Variants in PTPRD observed in about 807,000 individuals in gnomAD.
The protein encoded by PTPRD is protein tyrosine phosphatase receptor type D, also known as receptor-type tyrosine-protein phosphatase delta.
Under a neutral mutation model 214.5 loss-of-function variants are expected in PTPRD, and 34 were observed. The ratio of observed to expected loss-of-function variants is 0.16; its 90% CI spans 0.12 to 0.21. The LOEUF (loss-of-function observed/expected upper bound fraction) is 0.21, where lower values mean the gene tolerates loss of function less well. Among genes scored for constraint, PTPRD ranks in the 10% least tolerant of loss-of-function variants. The probability of loss-of-function intolerance (pLI) is 1.00; values close to 1 mark genes in which losing one functional copy is unlikely to be tolerated. For synonymous variants in PTPRD, 1,128 were observed against 845.7 expected (o/e 1.33, Z -5.79); for missense variants, 2,545 against 2,398.7 (o/e 1.06, Z -1.27).
At chr9:10,420,034 T>A (rs752296047) in intron 2 of PTPRD, among the ~76,000 whole-genome samples, 1 of 151,790 alleles carries the variant, frequency 6.6e-6, no homozygotes, top group Admixed American at 6.6e-5. Context: ...GATGTCTTTA[T>A]ACTGTTTAAT....
intron 36 of PTPRD, among the ~76,000 whole-genome samples, chr9:8,398,400 G>C (rs988491622): frequency 6.6e-6 from 1 of 152,052 alleles, no homozygotes; most frequent in Admixed American, 6.5e-5. Context: ...CAGCATATAG[G>C]CCCTCCTAAG....
rs12554613 is a variant in PTPRD, at chr9:9,791,522, A to G, written c.-367-24671T>C. Among the ~76,000 whole-genome samples the G allele has an allele frequency of 9.4e-3, 1,425 of 152,240 alleles. 66 individuals are homozygous for G. The highest frequency in any genetic ancestry group is 0.071 in the Admixed American group (1,083 of 15,282). ...GAGTCTCTTTCTTATAATGGGTTCT[A>G]TCACCCCTGATGATAAGTTTCTCTA... is the stretch of plus-strand genomic sequence containing the variant. On this transcript the variant is annotated intron_variant, in intron 5 of 45. Coordinates refer to ENST00000381196, the MANE Select transcript of PTPRD (RefSeq NM_002839.4).
intron 39 of PTPRD, among the ~76,000 whole-genome samples, chr9:8,359,151 G>T (rs1463683296): frequency 2.7e-4 from 33 of 124,056 alleles, no homozygotes; most frequent in East Asian, 1.3e-3. Context: ...AAAAAAAATT[G>T]AATCAGATTT....
At chr9:10,048,117 GAC>G (rs2097442211) in intron 3 of PTPRD, among the ~76,000 whole-genome samples, 1 of 152,144 alleles carries the variant, frequency 6.6e-6, no homozygotes, top group African/African-American at 2.4e-5. Flanking sequence ...TCCTACGTGA[GAC>G]AGATATTTGC....
chr9:9,229,465 C>T (rs34152451), intron 9 of PTPRD, among the ~76,000 whole-genome samples: 318 of 152,184 alleles, frequency 2.1e-3, no homozygotes, highest in Non-Finnish European at 3.5e-3. Context: ...TCCTTCATTG[C>T]GCCCTTACCC....
chr9:8,623,836 A>T (rs930575000), intron 14 of PTPRD, among the ~76,000 whole-genome samples: 2 of 151,888 alleles, frequency 1.3e-5, no homozygotes, highest in Non-Finnish European at 2.9e-5. Flanking sequence ...ACCTACACCC[A>T]TAACTACACC....
Position 9,938,622 on chromosome 9 carries a change from C to T in PTPRD, c.-471-12G>A, listed in dbSNP as rs10759110. Reference sequence around the variant, plus strand: ...CTTTTATTTTCCACCTGGAACAAAACATAGTGTCAGTCATTTCTTCATGTT... The same window carrying T: ...CTTTTATTTTCCACCTGGAACAAAATATAGTGTCAGTCATTTCTTCATGTT... On this transcript the variant is annotated splice_polypyrimidine_tract_variant and intron_variant, in intron 4 of 45. Transcript: ENST00000381196. 0.57 allele frequency: 85,860 copies of T among 151,954 alleles called. 27,217 individuals carry two copies. The highest frequency in any genetic ancestry group is 0.91 in the East Asian group (4,694 of 5,146). The allele number at this position is 151,954 out of a possible 1,614,324, so 9.4% of individuals were successfully genotyped here.
intron 5 of PTPRD, among the ~76,000 whole-genome samples, chr9:9,918,354 A>AC (rs2081539188): frequency 1.1e-5 from 1 of 87,648 alleles, no homozygotes; most frequent in Non-Finnish European, 2.3e-5. Context: ...AAAGAGGTAA[A>AC]AAAAAAAAAA....
chr9:9,679,483 C>A (rs919641235), intron 7 of PTPRD, among the ~76,000 whole-genome samples: 4 of 151,800 alleles, frequency 2.6e-5, no homozygotes, highest in Non-Finnish European at 4.4e-5. Context: ...AATGACGGAT[C>A]CCCCTGTGAA....
At chr9:8,475,245 T>C (rs2096739620) in intron 30 of PTPRD, among the ~76,000 whole-genome samples, 1 of 152,304 alleles carries the variant, frequency 6.6e-6, no homozygotes, top group East Asian at 1.9e-4. Context: ...GAGTTTCTGG[T>C]ACTCTTCTGT....
chr9:8,735,910 CAAAAAAA>C (rs34573821), intron 11 of PTPRD, among the ~76,000 whole-genome samples: 9 of 130,988 alleles, frequency 6.9e-5, no homozygotes, highest in Non-Finnish European at 1.1e-4. Context: ...GACTTCGTCT[CAAAAAAA>C]AAAAAAAAAA....
At chr9:9,290,316 T>C (rs1469923818) in intron 9 of PTPRD, among the ~76,000 whole-genome samples, 2 of 151,752 alleles carry the variant, frequency 1.3e-5, no homozygotes, top group African/African-American at 4.8e-5. Context: ...ATTTGCTTCT[T>C]TGCTATTTAG....
chr9:8,442,068 G>A (rs2095564946), intron 34 of PTPRD, among the ~76,000 whole-genome samples: 1 of 152,148 alleles, frequency 6.6e-6, no homozygotes, highest in African/African-American at 2.4e-5. Flanking sequence ...TTTCAGTGGT[G>A]GGGAAGAGGA....
intron 9 of PTPRD, among the ~76,000 whole-genome samples, chr9:9,303,690 T>G (rs1446163096): frequency 6.6e-6 from 1 of 152,002 alleles, no homozygotes; most frequent in Non-Finnish European, 1.5e-5. Flanking sequence ...AAGTGGAAAT[T>G]TGGAAGTGCA....
At chr9:9,105,273 T>C (rs945569349) in intron 10 of PTPRD, among the ~76,000 whole-genome samples, 1 of 152,172 alleles carries the variant, frequency 6.6e-6, no homozygotes, top group Admixed American at 6.6e-5. Flanking sequence ...CAACTCAGCA[T>C]TGTTTTCACT....
rs1319436685 is a variant in PTPRD, at chr9:8,316,435, G to A, written c.*1439C>T. On this transcript the variant is annotated 3_prime_UTR_variant, in exon 46 of 46. Coordinates refer to ENST00000381196, the MANE Select transcript of PTPRD (RefSeq NM_002839.4). ...CACAAAATGTTTCTGACTGAACAGA[G>A]TAACATGAATTTGGCTTTGCCCCTG... 1 of 230,904 alleles carries A rather than the reference G, an allele frequency of 4.3e-6. No individual in the cohort carries two copies. The highest frequency in any genetic ancestry group is 8.6e-6 in the Non-Finnish European group (1 of 116,348). The allele number at this position is 230,904 out of a possible 1,614,324, so 14.3% of individuals were successfully genotyped here.
intron 2 of PTPRD, among the ~76,000 whole-genome samples, chr9:10,496,008 A>G (rs1369790698): frequency 2.6e-5 from 4 of 151,788 alleles, no homozygotes; most frequent in Non-Finnish European, 5.9e-5. Flanking sequence ...AAAGCATTTG[A>G]TCAAGGTTAT....
At chr9:9,965,167 G>C (rs546739105) in intron 4 of PTPRD, among the ~76,000 whole-genome samples, 27 of 152,210 alleles carry the variant, frequency 1.8e-4, no homozygotes, top group Admixed American at 9.8e-4. Flanking sequence ...CTTAAAAATT[G>C]CAAGAATATT....
At chr9:9,571,891 G>T (rs913839516) in intron 8 of PTPRD, among the ~76,000 whole-genome samples, 1 of 151,040 alleles carries the variant, frequency 6.6e-6, no homozygotes, top group African/African-American at 2.4e-5. Flanking sequence ...TATCTTAAAT[G>T]CACAAGGTAA....
Sources: gnomAD v4.1 joint callset for allele counts (sites outside exome capture counted in the v4.1 genomes callset) on GRCh38, gnomAD v4.1.1 for gene constraint, MANE v1.5 for transcripts, NCBI Gene and HGNC (gene_info 2026-07-23, HGNC 2026-07-21) for gene names.